The following RIN2 variants were observed in gnomAD, a reference collection of about 807,000 sequenced individuals.
RIN2 encodes RAB5 interacting protein 2.
In RIN2, 36 loss-of-function variants were observed where a neutral mutation model predicts 78.0. That is an observed-to-expected ratio of 0.46 (90% CI 0.35 to 0.61). The LOEUF (loss-of-function observed/expected upper bound fraction) is 0.61, where lower values mean the gene tolerates loss of function less well. Among genes scored for constraint, RIN2 ranks in the 20% least tolerant of loss-of-function variants. The pLI is 0.00. For synonymous variants in RIN2, 466 were observed against 466.8 expected (o/e 1.00, Z 0.02); for missense variants, 1,087 against 1,159.7 (o/e 0.94, Z 0.91).
intron 3 of RIN2, among the ~76,000 whole-genome samples, chr20:19,917,780 CGCCTTTTAAAGGCGGAATA>C (rs2039747715): frequency 3.3e-5 from 5 of 152,022 alleles, no homozygotes; most frequent in Admixed American, 1.3e-4. Context: ...AAGGCGGAAT[CGCCTTTTAAAGGCGGAATA>C]GCATTCCATC....
chr20:19,950,377 A>G (rs2041264905), intron 4 of RIN2, among the ~76,000 whole-genome samples: 1 of 152,230 alleles, frequency 6.6e-6, no homozygotes. Context: ...AATGAGTTTT[A>G]TAGTTATAAA....
rs1568806960 is a variant in RIN2, at chr20:19,844,600, CCTCTTCTTCTTCTTCTTCT to C, written c.-37+44854_-37+44872del. ...GCTGCTGCTGCTGCTGCTGCTTCTT[CCTCTTCTTCTTCTTCTTCT>C]TCTTCTTCTTCTTCTTCTTCTTCTT... On this transcript the variant is annotated intron_variant, in intron 2 of 12. Transcript: ENST00000255006. Among the ~76,000 whole-genome samples, 22 of 74,898 alleles carry C rather than the reference CCTCTTCTTCTTCTTCTTCT, an allele frequency of 2.9e-4. 1 individual carries two copies. Among genetic ancestry groups the C allele is most frequent in the Admixed American group, 1.2e-3 (8 of 6,428 alleles). 49.1% of individuals were successfully genotyped at this position (74,898 alleles called of 152,430 possible).
At chr20:19,813,116 G>A (rs2035655026) in intron 2 of RIN2, among the ~76,000 whole-genome samples, 1 of 152,176 alleles carries the variant, frequency 6.6e-6, no homozygotes. Flanking sequence ...CCACTCCACA[G>A]TGGCCTCTCG....
At chr20:19,781,264 C>T (rs2034494504) in intron 1 of RIN2, among the ~76,000 whole-genome samples, 1 of 152,156 alleles carries the variant, frequency 6.6e-6, no homozygotes, top group Non-Finnish European at 1.5e-5. Context: ...ACATAGAAGA[C>T]ACGTGGATGG....
chr20:19,809,692 A>T (rs117853274), intron 2 of RIN2: 3 of 152,446 alleles, frequency 2.0e-5, no homozygotes, highest in South Asian at 4.1e-4. Flanking sequence ...CCGAAGCTAC[A>T]GCCGACGCTT....
intron 1 of RIN2, among the ~76,000 whole-genome samples, chr20:19,788,519 C>T (rs1422579703): frequency 6.7e-6 from 1 of 150,362 alleles, no homozygotes; most frequent in African/African-American, 2.5e-5. Context: ...GGAGAATCAC[C>T]TGATCCCAGT....
chr20:19,960,387 G>A lies in RIN2; in HGVS notation c.352-313G>A, dbSNP rs3748485. ...ACAGAATATAACTCATATAAGACAG[G>A]GGCTGGAGACCGTAACTCCAGCAGT... On this transcript the variant is annotated intron_variant, in intron 5 of 12. Coordinates refer to ENST00000255006, the MANE Select transcript of RIN2 (RefSeq NM_018993.4). Among the ~76,000 whole-genome samples, 32,961 of 152,014 alleles carry A rather than the reference G, an allele frequency of 0.22. 4,352 individuals carry two copies. Among genetic ancestry groups the A allele is most frequent in the East Asian group, 0.52 (2,704 of 5,152 alleles).
At chr20:19,804,120 A>G (rs1267155265) in intron 2 of RIN2, among the ~76,000 whole-genome samples, 1 of 152,126 alleles carries the variant, frequency 6.6e-6, no homozygotes, top group African/African-American at 2.4e-5. Flanking sequence ...GGTTTTCTAG[A>G]TATAGGATCA....
chr20:19,823,348 T>TGAGC, intron 2 of RIN2: 1 of 602,264 alleles, frequency 1.7e-6, no homozygotes, highest in South Asian at 2.0e-5. Context: ...TGTCATTCTC[T>TGAGC]GAGCAAGTGA....
chr20:19,897,915 C>T (rs1420417317), intron 3 of RIN2, among the ~76,000 whole-genome samples: 6 of 152,102 alleles, frequency 3.9e-5, no homozygotes, highest in South Asian at 2.1e-4. Flanking sequence ...GGTCTCACTT[C>T]GTTGCCCCGT....
chr20:19,977,536 G>C (rs1324137604), intron 9 of RIN2, among the ~76,000 whole-genome samples: 1 of 152,184 alleles, frequency 6.6e-6, no homozygotes, highest in Non-Finnish European at 1.5e-5. Context: ...CCTCACCCCT[G>C]TGAACAGGCA....
At chr20:19,873,755 C>T (rs1230624375) in intron 2 of RIN2, among the ~76,000 whole-genome samples, 1 of 152,080 alleles carries the variant, frequency 6.6e-6, no homozygotes, top group Non-Finnish European at 1.5e-5. Context: ...TCTCTGTGGG[C>T]AACATTCATC....
At chr20:19,971,690 G>A (rs1020554473) in intron 8 of RIN2, among the ~76,000 whole-genome samples, 11 of 151,314 alleles carry the variant, frequency 7.3e-5, no homozygotes, top group African/African-American at 1.5e-4. Flanking sequence ...AAGCTTCAGC[G>A]AGGAGCCTGG....
chr20:19,936,588 C>T (rs1360583821), intron 4 of RIN2, among the ~76,000 whole-genome samples: 2 of 152,142 alleles, frequency 1.3e-5, no homozygotes, highest in East Asian at 3.9e-4. Context: ...GCGGCGGAAA[C>T]CTTTCCCCTG....
Position 19,974,968 on chromosome 20 carries a change from G to T in RIN2, c.943G>T (p.Ala315Ser). Residue 315 changes from alanine to serine, a missense_variant, in exon 9 of 13, where the codon GCT (alanine) becomes TCT (serine). This residue lies in a region of RIN2 where 706 missense variants were observed against 667.5 expected (regional missense o/e 1.06). Coordinates refer to ENST00000255006, the MANE Select transcript of RIN2 (RefSeq NM_018993.4). The stretch of plus-strand genomic sequence containing the variant: ...CCCCCCACCCAGGCCCCCGCCACCC[G>T]CTATTAATAGTCTCCACACAAGCCC... Reference protein sequence around the residue: ...RSPPPRPPPPAINSLHTSPRL... With the variant: ...RSPPPRPPPPSINSLHTSPRL... The T allele has an allele frequency of 3.4e-6, 2 of 592,504 alleles. No individual in the cohort carries two copies. The highest frequency in any genetic ancestry group is 3.3e-5 in the South Asian group (2 of 61,454). 36.7% of individuals were successfully genotyped at this position (592,504 alleles called of 1,614,324 possible).
At chr20:19,947,295 C>A (rs1157248624) in intron 4 of RIN2, among the ~76,000 whole-genome samples, 1 of 151,728 alleles carries the variant, frequency 6.6e-6, no homozygotes, top group African/African-American at 2.4e-5. Context: ...TCACTTAAGG[C>A]CAGGAGTTTG....
intron 3 of RIN2, among the ~76,000 whole-genome samples, chr20:19,930,861 C>T (rs2040413666): frequency 6.6e-6 from 1 of 152,178 alleles, no homozygotes; most frequent in Non-Finnish European, 1.5e-5. Context: ...ATTTTGTTTA[C>T]AAAGTACTTT....
At chr20:19,872,432 T>A (rs1438242101) in intron 2 of RIN2, 2 of 152,106 alleles carry the variant, frequency 1.3e-5, no homozygotes, top group African/African-American at 2.4e-5. Context: ...GGAGTGGGGA[T>A]AAAATATGGA....
chr20:19,935,451 TA>T (rs2040599713), intron 4 of RIN2: 1 of 1,254,812 alleles, frequency 8.0e-7, no homozygotes, highest in Non-Finnish European at 1.0e-6. Flanking sequence ...CCCGGAAACC[TA>T]AAATTGTCTG....
Sources: allele counts gnomAD v4.1 joint callset (sites outside exome capture counted in the v4.1 genomes callset), GRCh38; gene constraint gnomAD v4.1.1; regional missense constraint gnomAD v4.1.1; transcripts MANE v1.5; gene names NCBI Gene and HGNC (gene_info 2026-07-23, HGNC 2026-07-21).